DAB1: variants seen among roughly 807,000 people sequenced by gnomAD.
DAB1 encodes disabled homolog 1.
In DAB1, 15 loss-of-function variants were observed where a neutral mutation model predicts 64.6. The ratio of observed to expected loss-of-function variants is 0.23; its 90% confidence interval spans 0.16 to 0.36. The LOEUF is 0.36. DAB1 is among the 10% of genes least tolerant of loss of function. DAB1 has a pLI of 1.00. For missense variants in DAB1, 596 were observed against 706.7 expected, an observed-to-expected ratio of 0.84 and a Z score of 1.78; for synonymous variants, 235 against 251.9, an observed-to-expected ratio of 0.93 and a Z score of 0.64.
intron 1 of DAB1, among the ~76,000 whole-genome samples, chr1:58,541,114 T>C (rs974082290): frequency 8.7e-4 from 3 of 3,464 alleles, no homozygotes; most frequent in Non-Finnish European, 4.5e-3. Context: ...ATTCGAGGCG[T>C]GAAACCCCGT....
chr1:58,315,419 G>T (rs890342875), intron 4 of DAB1, among the ~76,000 whole-genome samples: 1 of 152,162 alleles, frequency 6.6e-6, no homozygotes, highest in African/African-American at 2.4e-5. Flanking sequence ...AGCACAAGGG[G>T]AGTGTGTGTT....
Position 57,071,124 on chromosome 1 carries a change from T to C in DAB1, c.559-63A>G. On this transcript the variant is annotated intron_variant, in intron 6 of 14. Transcript: ENST00000371236. ...GGACATAAAGGAAGAGATGTGAGAC[T>C]GCATTCAGAAATTACAGGACAGTAA... 5 of 1,452,504 alleles carry C rather than the reference T, an allele frequency of 3.4e-6. No individual in the cohort carries two copies. The South Asian group carries it at 5.8e-5, about 17-fold the overall frequency. The allele number at this position is 1,452,504 out of a possible 1,614,324, so 90.0% of individuals were successfully genotyped here. A position where few individuals can be genotyped will look rare whatever the true frequency, so the allele number is the denominator to read the frequency against.
chr1:57,414,022 G>T (rs1488832001), intron 1 of DAB1, among the ~76,000 whole-genome samples: 2 of 152,194 alleles, frequency 1.3e-5, no homozygotes, highest in East Asian at 3.8e-4. Context: ...TCTTATGGAT[G>T]AGCAAAGAAA....
intron 4 of DAB1, among the ~76,000 whole-genome samples, chr1:58,304,138 A>G (rs1004751864): frequency 2.0e-5 from 3 of 152,174 alleles, no homozygotes; most frequent in Non-Finnish European, 2.9e-5. Context: ...ACCCTAGAGC[A>G]GTCAGGAATC....
At chr1:58,001,794 T>C (rs1432730011) in intron 5 of DAB1, among the ~76,000 whole-genome samples, 1 of 152,178 alleles carries the variant, frequency 6.6e-6, no homozygotes, top group African/African-American at 2.4e-5. Context: ...GTTATCTTTT[T>C]AGGAAAAAGA....
chr1:57,898,664 T>C (rs981332087), intron 5 of DAB1, among the ~76,000 whole-genome samples: 1 of 152,202 alleles, frequency 6.6e-6, no homozygotes, highest in Admixed American at 6.5e-5. Context: ...AGCACACCGC[T>C]TCTCAGCTTA....
chr1:57,671,456 T>C (rs1646509397), intron 6 of DAB1, among the ~76,000 whole-genome samples: 1 of 152,080 alleles, frequency 6.6e-6, no homozygotes, highest in South Asian at 2.1e-4. Flanking sequence ...TCAGACTCAG[T>C]AAGAAATCTG....
intron 9 of DAB1, among the ~76,000 whole-genome samples, chr1:57,057,813 T>A (rs1277247867): frequency 1.3e-5 from 2 of 151,840 alleles, no homozygotes; most frequent in African/African-American, 4.8e-5. Flanking sequence ...TTTCACTGTA[T>A]TAGCCAGGAT....
intron 2 of DAB1, among the ~76,000 whole-genome samples, chr1:57,227,677 G>A (rs903149361): frequency 2.6e-5 from 4 of 151,922 alleles, no homozygotes; most frequent in Admixed American, 6.6e-5. Context: ...CCACTTCAGC[G>A]TCCCTAGTAA....
chr1:58,436,434 A>G (rs1644945052), intron 3 of DAB1, among the ~76,000 whole-genome samples: 1 of 152,182 alleles, frequency 6.6e-6, no homozygotes, highest in Non-Finnish European at 1.5e-5. Context: ...TTCACCCAAG[A>G]TTCCCAGTTG....
intron 1 of DAB1, among the ~76,000 whole-genome samples, chr1:57,341,075 G>A (rs367656366): frequency 2.0e-5 from 3 of 152,118 alleles, no homozygotes; most frequent in Non-Finnish European, 1.5e-5. Context: ...TGAGGTGCCC[G>A]TTGGTCCCAT....
chr1:58,164,432 C>T (rs1376786481), intron 4 of DAB1, among the ~76,000 whole-genome samples: 1 of 152,138 alleles, frequency 6.6e-6, no homozygotes, highest in Non-Finnish European at 1.5e-5. Flanking sequence ...TCTTCAAAAA[C>T]ATCTCTCTGA....
intron 4 of DAB1, among the ~76,000 whole-genome samples, chr1:58,277,768 T>C (rs1054170372): frequency 6.6e-6 from 1 of 152,230 alleles, no homozygotes; most frequent in Non-Finnish European, 1.5e-5. Context: ...GAGTTTTACC[T>C]CCTCCATGAA....
At chr1:57,363,492 A>C (rs978237866) in intron 1 of DAB1, among the ~76,000 whole-genome samples, 1 of 151,862 alleles carries the variant, frequency 6.6e-6, no homozygotes, top group African/African-American at 2.4e-5. Context: ...ACTGTGCCTC[A>C]ATTCCCTACA....
chr1:57,099,918 G>T (rs1654513416), intron 4 of DAB1, among the ~76,000 whole-genome samples: 1 of 152,150 alleles, frequency 6.6e-6, no homozygotes, highest in African/African-American at 2.4e-5. Context: ...CTTAACTGGG[G>T]GTCTAAGAAC....
chr1:58,300,650 AAGG>A lies in DAB1; in HGVS notation n.309+42699_309+42701del, dbSNP rs1557726371. On this transcript the variant is annotated intron_variant and non_coding_transcript_variant, in intron 4 of 20. Coordinates refer to the DAB1 transcript ENST00000485760. ...AGAGAGAGAGAGAGAGAGAGAGAGG[AAGG>A]AAGGAAGGAAGGAAGGAAGGAAGGA... is the stretch of plus-strand genomic sequence containing the variant. 8.9e-4 allele frequency among the ~76,000 whole-genome samples: 42 copies of A among 47,380 alleles called. 2 individuals are homozygous for A. Among genetic ancestry groups the A allele is most frequent in the Non-Finnish European group, 1.3e-3 (31 of 23,426 alleles). The allele number at this position is 47,380 out of a possible 152,430, so 31.1% of individuals were successfully genotyped here.
At chr1:58,432,145 G>C (rs1644884263) in intron 3 of DAB1, among the ~76,000 whole-genome samples, 1 of 152,098 alleles carries the variant, frequency 6.6e-6, no homozygotes. Flanking sequence ...TCTCTGCCTG[G>C]AATGCTCTCC....
intron 5 of DAB1, 87 bp from the exon 6 acceptor site, chr1:57,071,728 G>A (rs1216239037): frequency 7.8e-6 from 10 of 1,280,524 alleles, no homozygotes; most frequent in Admixed American, 5.0e-5. Flanking sequence ...ACAACCCGCA[G>A]CCCTTCCTTT....
At chr1:57,482,089 A>G (rs1293298815) in intron 7 of DAB1, among the ~76,000 whole-genome samples, 2 of 152,124 alleles carry the variant, frequency 1.3e-5, no homozygotes, top group East Asian at 3.9e-4. Context: ...AGGGGGAAAT[A>G]ATTGGGAAAT....
Sources: allele counts gnomAD v4.1 joint callset (sites outside exome capture counted in the v4.1 genomes callset), GRCh38; gene constraint gnomAD v4.1.1; transcripts MANE v1.5; gene names NCBI Gene and HGNC (gene_info 2026-07-23, HGNC 2026-07-21).